CPEB3: variants seen among roughly 807,000 people sequenced by gnomAD.
CPEB3 encodes cytoplasmic polyadenylation element binding protein 3.
CPEB3 carries 20 observed loss-of-function variants against 67.2 expected under a neutral mutation model. The observed-to-expected ratio is 0.30, with a 90% confidence interval of 0.21 to 0.43. The LOEUF is 0.43. Ranked by LOEUF, CPEB3 falls within the 20% of genes least tolerant of loss-of-function variation. CPEB3 has a pLI of 1.00. For synonymous variants in CPEB3, 376 were observed against 393.1 expected (o/e 0.96, Z 0.51); for missense variants, 746 against 968.6 (o/e 0.77, Z 3.05).
At chr10:92,226,257 C>T (rs1381372221) in intron 2 of CPEB3, among the ~76,000 whole-genome samples, 1 of 152,192 alleles carries the variant, frequency 6.6e-6, no homozygotes, top group Non-Finnish European at 1.5e-5. Flanking sequence ...CAACCACACA[C>T]AAATTTAATC....
chr10:92,230,082 T>C lies in CPEB3; in HGVS notation c.1005+9264A>G, dbSNP rs372296855. On this transcript the variant is annotated intron_variant, in intron 2 of 9. Coordinates refer to ENST00000265997, the MANE Select transcript of CPEB3 (RefSeq NM_014912.5). ...AAGAAATACTAGAATGGAGAATCCG[T>C]CACAAAAATGTTAAATATACCACAT... Among the ~76,000 whole-genome samples, 53 of 151,870 alleles carry C rather than the reference T, an allele frequency of 3.5e-4. 1 individual carries two copies. The East Asian group carries it at 6.2e-3, about 18-fold the overall frequency.
At chr10:92,155,595 G>A (rs566358603) in intron 4 of CPEB3, among the ~76,000 whole-genome samples, 1 of 152,268 alleles carries the variant, frequency 6.6e-6, no homozygotes, top group African/African-American at 2.4e-5. Flanking sequence ...TTGAAAGCAT[G>A]GACAAAACAT....
intron 1 of CPEB3, among the ~76,000 whole-genome samples, chr10:92,275,392 T>C (rs1312271091): frequency 6.6e-6 from 1 of 152,242 alleles, no homozygotes; most frequent in Admixed American, 6.5e-5. Context: ...TACTACATTC[T>C]GGGCAACTTT....
At chr10:92,228,932 T>C (rs1313009864) in intron 2 of CPEB3, among the ~76,000 whole-genome samples, 1 of 152,030 alleles carries the variant, frequency 6.6e-6, no homozygotes, top group Non-Finnish European at 1.5e-5. Flanking sequence ...CAGGCTGGTC[T>C]TGAACTCCTG....
chr10:92,114,161 T>C lies in CPEB3; in HGVS notation c.1454-2967A>G, dbSNP rs186838094. On this transcript the variant is annotated intron_variant, in intron 6 of 9. Transcript: ENST00000265997. ...TTTCTTCTAACTCTACTTCCCACTT[T>C]AGGCCTTCCAACCAAAACAGAATTC... Among the ~76,000 whole-genome samples the C allele has an allele frequency of 5.4e-4, 83 of 152,318 alleles. 2 individuals are homozygous for C. Among genetic ancestry groups the C allele is most frequent in the Non-Finnish European group, 3.5e-4 (24 of 68,024 alleles).
intron 2 of CPEB3, among the ~76,000 whole-genome samples, chr10:92,198,812 C>T (rs1849363938): frequency 6.6e-6 from 1 of 152,188 alleles, no homozygotes; most frequent in Non-Finnish European, 1.5e-5. Context: ...AAAACTAGGT[C>T]TGTGACTCTC....
intron 7 of CPEB3, among the ~76,000 whole-genome samples, chr10:92,104,871 T>C (rs1384304457): frequency 6.6e-6 from 1 of 152,138 alleles, no homozygotes. Context: ...GAAATTCCTA[T>C]GATGGAAGGT....
At chr10:92,107,566 A>G (rs1403265764) in intron 7 of CPEB3, among the ~76,000 whole-genome samples, 1 of 152,126 alleles carries the variant, frequency 6.6e-6, no homozygotes, top group East Asian at 1.9e-4. Context: ...GGTTCAATCT[A>G]TTAATATAGT....
At chr10:92,248,080 T>C (rs1852144245) in intron 1 of CPEB3, among the ~76,000 whole-genome samples, 1 of 152,178 alleles carries the variant, frequency 6.6e-6, no homozygotes, top group Non-Finnish European at 1.5e-5. Flanking sequence ...CGGTATCTTG[T>C]GGGCGTAGTT....
Position 92,141,975 on chromosome 10 carries a change from G to C in CPEB3, c.1453+1054C>G, listed in dbSNP as rs911490498. Among the ~76,000 whole-genome samples the C allele has an allele frequency of 2.6e-3, 373 of 145,904 alleles. 3 individuals carry two copies. Among genetic ancestry groups the C allele is most frequent in the African/African-American group, 8.9e-3 (353 of 39,560 alleles). On this transcript the variant is annotated intron_variant, in intron 6 of 9. Coordinates refer to ENST00000265997, the MANE Select transcript of CPEB3 (RefSeq NM_014912.5). ...GGAGCTTGCAGTGAGCCGAGATCAC[G>C]CCACTGCACTCCAGCCTGGGCGACA...
At chr10:92,137,814 T>C (rs534444812) in intron 6 of CPEB3, 8 of 205,816 alleles carry the variant, frequency 3.9e-5, no homozygotes, top group Admixed American at 2.4e-4. Context: ...CTGGCTTACA[T>C]GGTGAAACCC....
chr10:92,074,495 A>G (rs974448698), intron 9 of CPEB3, among the ~76,000 whole-genome samples: 7 of 152,208 alleles, frequency 4.6e-5, no homozygotes, highest in Non-Finnish European at 8.8e-5. Flanking sequence ...ACAACAATCT[A>G]TTGGGGACGT....
chr10:92,217,622 C>A (rs145589770), intron 2 of CPEB3, among the ~76,000 whole-genome samples: 3 of 151,992 alleles, frequency 2.0e-5, no homozygotes, highest in Non-Finnish European at 2.9e-5. Flanking sequence ...ATTAGCTGGG[C>A]GTGGTGGCAC....
intron 5 of CPEB3, 68 bp from the exon 6 acceptor site, chr10:92,143,186 C>A: frequency 8.5e-7 from 1 of 1,173,344 alleles, no homozygotes; most frequent in Non-Finnish European, 1.2e-6. Context: ...CAGAAGAGCA[C>A]AAAACATGTC....
At chr10:92,087,472 T>A (rs1479549911) in intron 8 of CPEB3, among the ~76,000 whole-genome samples, 2 of 152,158 alleles carry the variant, frequency 1.3e-5, no homozygotes, top group Non-Finnish European at 2.9e-5. Flanking sequence ...CCTAAGGAAG[T>A]CATGAAGTCA....
At chr10:92,169,961 C>T (rs1244138276) in intron 4 of CPEB3, among the ~76,000 whole-genome samples, 1 of 152,206 alleles carries the variant, frequency 6.6e-6, no homozygotes, top group African/African-American at 2.4e-5. Context: ...TTGGCCCCAA[C>T]CATCTTTCAG....
chr10:92,200,999 C>T (rs1413230587), intron 2 of CPEB3, among the ~76,000 whole-genome samples: 2 of 152,138 alleles, frequency 1.3e-5, no homozygotes. Flanking sequence ...ACAAATGCCA[C>T]CTGCTGCCAT....
rs558856280 is a variant in CPEB3 at position 92,144,180 on chromosome 10, G to T, written c.1363+765C>A. On this transcript the variant is annotated intron_variant, in intron 5 of 9. Transcript: ENST00000265997. The stretch of plus-strand genomic sequence containing the variant: ...GTGAACACTCACTTTTGGACTGATA[G>T]CATCTCAAAACTATTATTAAGAAAA... 5.9e-5 allele frequency among the ~76,000 whole-genome samples: 9 copies of T among 152,296 alleles called. No homozygotes were observed. The South Asian group carries it at 1.9e-3, about 32-fold the overall frequency.
intron 3 of CPEB3, among the ~76,000 whole-genome samples, chr10:92,182,825 CAAAAAA>C (rs781545538): frequency 2.0e-5 from 1 of 49,150 alleles, no homozygotes; most frequent in African/African-American, 6.6e-5. Context: ...GACTCCGTCT[CAAAAAA>C]AAAAAAAAAA....
Sources: allele counts gnomAD v4.1 joint callset (sites outside exome capture counted in the v4.1 genomes callset), GRCh38; gene constraint gnomAD v4.1.1; transcripts MANE v1.5; gene names NCBI Gene and HGNC (gene_info 2026-07-23, HGNC 2026-07-21).